Variants in AATK observed in about 807,000 individuals in gnomAD.
AATK encodes the protein serine/threonine-protein kinase LMTK1.
Under a neutral mutation model 114.3 loss-of-function variants are expected in AATK, and 91 were observed. That is an observed-to-expected ratio of 0.80 (90% CI 0.67 to 0.95). The LOEUF is 0.95. Ranked by LOEUF, AATK falls within the 40% of genes least tolerant of loss-of-function variation. The pLI, the probability that AATK is intolerant of heterozygous loss-of-function variation, is 0.00. For synonymous variants in AATK, 1,075 were observed against 916.5 expected (o/e 1.17, Z -3.12); for missense variants, 2,176 against 1,965.2 (o/e 1.11, Z -2.03).
At chr17:81,138,203 A>C (rs562910639) in intron 1 of AATK, among the ~76,000 whole-genome samples, 81 of 147,274 alleles carry the variant, frequency 5.5e-4, no homozygotes, top group Middle Eastern at 3.7e-3. Flanking sequence ...ACACACACAC[A>C]CCCCCACATG....
In AATK at chr17:81,141,917, C is replaced by CTCCTTCCT. The variant is rs72007585; in HGVS notation, c.56-7424_56-7417dup. ...TTCTTTTTTCTCTCTCTTTCTCCCTCTCCTTCCTTCCTTCCTTCCTTCCTT... is the reference window on the plus strand; with the variant it reads ...TTCTTTTTTCTCTCTCTTTCTCCCTCTCCTTCCTTCCTTCCTTCCTTCCTTCCTTCCTT... On this transcript the variant is annotated intron_variant, in intron 1 of 13. Coordinates refer to ENST00000326724, the MANE Select transcript of AATK (RefSeq NM_001080395.3). Among the ~76,000 whole-genome samples the CTCCTTCCT allele has an allele frequency of 1.3e-3, 169 of 132,334 alleles. 1 individual carries two copies. Among genetic ancestry groups the CTCCTTCCT allele is most frequent in the African/African-American group, 3.9e-3 (131 of 33,822 alleles). 86.8% of individuals were successfully genotyped at this position (132,334 alleles called of 152,430 possible). A position where few individuals can be genotyped will look rare whatever the true frequency, so the allele number is the denominator to read the frequency against.
chr17:81,119,270 G>GCGGGGC, intron 13 of AATK, 110 bp downstream of exon 13: 6 of 1,195,512 alleles, frequency 5.0e-6, no homozygotes, highest in Non-Finnish European at 6.7e-6. Flanking sequence ...GCGGAGCGGA[G>GCGGGGC]CGGAGCCGGG....
rs893335074 is a variant in AATK, at chr17:81,126,921, G to T, written c.622-361C>A. Reference sequence around the variant, plus strand: ...CAGCCCCTGACCTGCCGAAAGCCCAGCCCCGGGACGGTCAACGTCAGGAGT... The same window carrying T: ...CAGCCCCTGACCTGCCGAAAGCCCATCCCCGGGACGGTCAACGTCAGGAGT... On this transcript the variant is annotated intron_variant, in intron 6 of 13. Coordinates refer to ENST00000326724, the MANE Select transcript of AATK (RefSeq NM_001080395.3). The surrounding 1 kb of genome is among the most constrained non-coding windows in gnomAD (Gnocchi z 5.1). The T allele has an allele frequency of 1.4e-5, 14 of 991,018 alleles. No individual in the cohort carries two copies. Among genetic ancestry groups the T allele is most frequent in the Non-Finnish European group, 1.8e-5 (14 of 797,714 alleles). The allele number at this position is 991,018 out of a possible 1,614,324, so 61.4% of individuals were successfully genotyped here. A position where few individuals can be genotyped will look rare whatever the true frequency, so the allele number is the denominator to read the frequency against.
At chr17:81,137,828 C>G (rs541356146) in intron 1 of AATK, among the ~76,000 whole-genome samples, 27 of 151,652 alleles carry the variant, frequency 1.8e-4, no homozygotes, top group Admixed American at 1.6e-3. Flanking sequence ...CACAGACATG[C>G]ACACACACAT....
chr17:81,139,965 C>G (rs1452774583), intron 1 of AATK, among the ~76,000 whole-genome samples: 1 of 152,226 alleles, frequency 6.6e-6, no homozygotes, highest in Non-Finnish European at 1.5e-5. Context: ...TGTCCACCAG[C>G]CTTGTCCACT....
chr17:81,160,686 C>T (rs569629932), intron 1 of AATK, among the ~76,000 whole-genome samples: 4 of 152,338 alleles, frequency 2.6e-5, no homozygotes, highest in South Asian at 2.1e-4. Flanking sequence ...CGAGGCCCCA[C>T]GGCAGGTGCT....
rs1036471112 is a variant in AATK at position 81,122,701 on chromosome 17, C to A, written c.1235G>T (p.Arg412Leu). The A allele has an allele frequency of 4.5e-6, 7 of 1,569,262 alleles. No homozygotes were observed. Among genetic ancestry groups the A allele is most frequent in the African/African-American group, 4.1e-5 (3 of 73,696 alleles). Residue 412 changes from arginine (R) to leucine (L), a missense_variant, in exon 11 of 14, where the codon CGG becomes CTG. By Grantham distance (102) the Arg-to-Leu change is moderately radical (BLOSUM62 -2). Transcript: ENST00000326724. The part of the protein sequence containing the change: ...GATEAEEEFE[R>L]RWRSLRPGGG... ...GCCGGGCCGCAGAGAGCGCCAGCGC[C>A]GTTCAAACTCCTCCTCTGCTTCGGT...
rs752420413 is a variant in AATK at position 81,121,383 on chromosome 17, G to A, written c.2553C>T (p.Pro851=). ...CCTCACTGCTGGGTGCCTCCACCTC[G>A]GGAGAGCTGCTGCTGCCATTCAGGG... The part of the protein sequence containing the change: ...ASALNGSSSS[P]EVEAPSSEDE... Residue 851 remains proline, a synonymous_variant, in exon 11 of 14, where the codon CCC becomes CCT. Coordinates refer to ENST00000326724, the MANE Select transcript of AATK (RefSeq NM_001080395.3). The A allele has an allele frequency of 3.1e-6, 5 of 1,610,520 alleles. No homozygotes were observed. The highest frequency in any genetic ancestry group is 1.6e-4 in the Middle Eastern group (1 of 6,072).
chr17:81,125,955 G>A, intron 7 of AATK: 1 of 480,102 alleles, frequency 2.1e-6, no homozygotes, highest in Non-Finnish European at 4.3e-6. Flanking sequence ...GGAGAGGACA[G>A]CCGTGCGGCG....
Position 81,165,946 on chromosome 17 carries a change from A to T in AATK, c.47T>A (p.Phe16Tyr). Residue 16 changes from phenylalanine (F) to tyrosine (Y), a missense_variant, in exon 1 of 14, where the codon TTC becomes TAC. Around this residue, in one of 4 missense-constraint regions of AATK, gnomAD observed 178 missense variants for 175.4 expected, o/e 1.01. Transcript: ENST00000326724. ...FNPSFAFSSH[F>Y]DPDGAPLSEL... ...GGCCGCCAGGGACTCACCGGGGTCG[A>T]AGTGCGAGCTGAAGGCGAAGCTGGG... 1 of 1,582,884 alleles carries T rather than the reference A, an allele frequency of 6.3e-7. No homozygotes were observed. The highest frequency in any genetic ancestry group is 1.4e-5 in the African/African-American group (1 of 73,988).
intron 1 of AATK, among the ~76,000 whole-genome samples, chr17:81,156,150 GTA>G (rs893617324): frequency 8.1e-5 from 4 of 49,436 alleles, no homozygotes; most frequent in Non-Finnish European, 2.1e-4. Flanking sequence ...ATGTTACAAT[GTA>G]TGTTATCATG....
chr17:81,138,160 TGC>T (rs2061048443), intron 1 of AATK, among the ~76,000 whole-genome samples: 1 of 140,910 alleles, frequency 7.1e-6, no homozygotes, highest in African/African-American at 2.7e-5. Flanking sequence ...CACGCCCACA[TGC>T]ACACACACAC....
chr17:81,157,425 AG>A (rs2061380408), intron 1 of AATK, among the ~76,000 whole-genome samples: 1 of 152,160 alleles, frequency 6.6e-6, no homozygotes, highest in Non-Finnish European at 1.5e-5. Context: ...GGCAGCCCCA[AG>A]GTGGGCATCC....
chr17:81,162,121 C>T (rs2061434816), intron 1 of AATK, among the ~76,000 whole-genome samples: 2 of 152,148 alleles, frequency 1.3e-5, no homozygotes. Context: ...CGAGTGCCCG[C>T]ACCCATGCTG....
At chr17:81,134,217 T>C (rs1252611953) in intron 2 of AATK, 151 bp downstream of exon 2, 1 of 1,005,970 alleles carries the variant, frequency 9.9e-7, no homozygotes, top group African/African-American at 1.6e-5. Context: ...TGGGCCAGGG[T>C]CCACGTGGTC....
chr17:81,126,392 G>A lies in AATK; in HGVS notation c.755+35C>T, dbSNP rs2146307251. On this transcript the variant is annotated intron_variant, in intron 7 of 13. Coordinates refer to ENST00000326724, the MANE Select transcript of AATK (RefSeq NM_001080395.3). The surrounding 1 kb of genome is among the most constrained non-coding windows in gnomAD (Gnocchi z 5.1). Reference sequence around the variant, plus strand: ...TCCTTCAGGGGAGGGGCCTGGCCTAGGGCTTCCCGGCCGCTGGCCCGCGCC... The same window carrying A: ...TCCTTCAGGGGAGGGGCCTGGCCTAAGGCTTCCCGGCCGCTGGCCCGCGCC... 2 of 1,538,880 alleles carry A rather than the reference G, an allele frequency of 1.3e-6. No individual in the cohort carries two copies. The highest frequency in any genetic ancestry group is 2.4e-5 in the East Asian group (1 of 40,826).
intron 1 of AATK, among the ~76,000 whole-genome samples, chr17:81,142,509 C>G (rs952458295): frequency 6.6e-6 from 1 of 152,118 alleles, no homozygotes; most frequent in East Asian, 1.9e-4. Context: ...TGGGTTCAAT[C>G]AATCCTCCCG....
At position 81,119,597 on chromosome 17, in the gene AATK, G is replaced by C; in HGVS notation, c.3884-17C>G. 1 of 1,544,096 alleles carries C rather than the reference G, an allele frequency of 6.5e-7. No individual in the cohort carries two copies. The highest frequency in any genetic ancestry group is 8.7e-7 in the Non-Finnish European group (1 of 1,146,570). On this transcript the variant is annotated splice_polypyrimidine_tract_variant and intron_variant, in intron 12 of 13. Coordinates refer to ENST00000326724, the MANE Select transcript of AATK (RefSeq NM_001080395.3). ...ACCCACCACCTGCAGCCCAGGTCGC[G>C]GCGTCACTCGCGCTCACAGCCTGGG...
At chr17:81,165,881 A>T in intron 1 of AATK, 57 bp downstream of exon 1, 5 of 1,548,826 alleles carry the variant, frequency 3.2e-6, no homozygotes, top group Non-Finnish European at 2.6e-6. Flanking sequence ...GCCCAGGGGC[A>T]TCACGTCCGC....
Sources: gnomAD v4.1 joint callset for allele counts (sites outside exome capture counted in the v4.1 genomes callset) on GRCh38, gnomAD v4.1.1 for gene constraint, gnomAD v4.1.1 regional missense constraint, Gnocchi (gnomAD v3.1) non-coding constraint, MANE v1.5 for transcripts, NCBI Gene and HGNC (gene_info 2026-07-23, HGNC 2026-07-21) for gene names.